Variants in ASB4 observed in about 807,000 individuals in gnomAD.
ASB4 encodes the protein ankyrin repeat and SOCS box containing 4.
A neutral mutation model predicts 38.6 loss-of-function variants in ASB4; 35 were observed. That is an observed-to-expected ratio of 0.91 (90% CI 0.69 to 1.20). The LOEUF (loss-of-function observed/expected upper bound fraction) is 1.20. Among genes scored for constraint, ASB4 ranks in the 50% most tolerant of loss-of-function variants. The pLI, the probability that ASB4 is intolerant of heterozygous loss-of-function variation, is 0.00. For missense variants in ASB4, 557 were observed against 527.2 expected, an observed-to-expected ratio of 1.06 and a Z score of -0.55; for synonymous variants, 195 against 201.3, an observed-to-expected ratio of 0.97 and a Z score of 0.26.
the ASB4 span, among the ~76,000 whole-genome samples, chr7:95,473,248 G>A: frequency 6.6e-6 from 1 of 152,224 alleles, no homozygotes; most frequent in South Asian, 2.1e-4. Flanking sequence ...AATCATGATA[G>A]CTAACATCTT....
At chr7:95,541,281 A>T (rs1450865418), downstream of ASB4, among the ~76,000 whole-genome samples, 3 of 152,172 alleles carry the variant, frequency 2.0e-5, no homozygotes, top group Non-Finnish European at 4.4e-5. Flanking sequence ...GATTGTTTTG[A>T]GGGTTAAGTT....
chr7:95,485,350 C>T (rs1368327997), upstream of ASB4, among the ~76,000 whole-genome samples: 3 of 151,956 alleles, frequency 2.0e-5, no homozygotes, highest in Non-Finnish European at 2.9e-5. Flanking sequence ...TCTTTTTTAC[C>T]TAAAAGAGTC....
intron 3 of ASB4, 25 bp from the exon 4 acceptor site, chr7:95,536,412 A>T (rs771892743): frequency 6.9e-7 from 1 of 1,456,318 alleles, no homozygotes; most frequent in East Asian, 2.3e-5. Flanking sequence ...CATCAAACAG[A>T]TGAAACTCTG....
intron 2 of ASB4, among the ~76,000 whole-genome samples, chr7:95,523,417 T>C (rs1355029826): frequency 6.6e-6 from 1 of 152,120 alleles, no homozygotes; most frequent in Non-Finnish European, 1.5e-5. Flanking sequence ...TGAACTAAAT[T>C]TGGACAATTA....
intron 2 of ASB4, among the ~76,000 whole-genome samples, chr7:95,501,661 T>C (rs1044713166): frequency 6.6e-6 from 1 of 152,252 alleles, no homozygotes; most frequent in African/African-American, 2.4e-5. Flanking sequence ...GGCCTTTTCA[T>C]GTGACTTCAT....
At chr7:95,514,659 G>A (rs1171718320) in intron 2 of ASB4, among the ~76,000 whole-genome samples, 1 of 152,120 alleles carries the variant, frequency 6.6e-6, no homozygotes, top group East Asian at 1.9e-4. Context: ...GTCACTACCT[G>A]TCTTACCCAT....
chr7:95,549,961 C>T, the ASB4 span, among the ~76,000 whole-genome samples: 1 of 152,142 alleles, frequency 6.6e-6, no homozygotes, highest in Non-Finnish European at 1.5e-5. Context: ...TCTTAGTTCC[C>T]ACAGGGTGAG....
At chr7:95,500,937 A>T (rs1790327729) in intron 2 of ASB4, among the ~76,000 whole-genome samples, 2 of 152,110 alleles carry the variant, frequency 1.3e-5, no homozygotes, top group South Asian at 4.1e-4. Context: ...GTTAGGCATA[A>T]TTTGGAGCTT....
chr7:95,489,118 T>A (rs1790135271), intron 1 of ASB4, among the ~76,000 whole-genome samples: 1 of 152,210 alleles, frequency 6.6e-6, no homozygotes, highest in Admixed American at 6.5e-5. Context: ...AAAGTCAGTG[T>A]ATAATTTTTG....
rs115527465 is a variant in ASB4 at position 95,489,279 on chromosome 7, G to A, written c.187+3121G>A. The stretch of plus-strand genomic sequence containing the variant: ...TATTTTGTGAGGAAGACAGAATAAA[G>A]CTATTGGATTACAAATAAGTCTGGA... On this transcript the variant is annotated intron_variant, in intron 1 of 4. Coordinates refer to ENST00000325885, the MANE Select transcript of ASB4 (RefSeq NM_016116.3). Among the ~76,000 whole-genome samples, 845 of 152,270 alleles carry A rather than the reference G, an allele frequency of 5.5e-3. 7 individuals carry two copies. The highest frequency in any genetic ancestry group is 0.019 in the African/African-American group (784 of 41,556).
In ASB4 at chr7:95,495,752, T is replaced by C; in HGVS notation, c.188-6T>C. The C allele has an allele frequency of 6.4e-7, 1 of 1,568,026 alleles. No homozygotes were observed. The highest frequency in any genetic ancestry group is 8.6e-7 in the Non-Finnish European group (1 of 1,160,526). The stretch of plus-strand genomic sequence containing the variant: ...CTTTCCTTTTCCTTTTTTTTTTTTT[T>C]TTCAGGTTACTGGTTGCCTAGCTAT... On this transcript the variant is annotated splice_region_variant and splice_polypyrimidine_tract_variant and intron_variant, in intron 1 of 4. Transcript: ENST00000325885.
chr7:95,530,663 A>G (rs1386129611), intron 3 of ASB4, among the ~76,000 whole-genome samples: 4 of 152,078 alleles, frequency 2.6e-5, no homozygotes, highest in Non-Finnish European at 5.9e-5. Context: ...AGAGGTATAT[A>G]TGTGGGTTGT....
At chr7:95,501,998 C>G (rs6973299) in intron 2 of ASB4, among the ~76,000 whole-genome samples, 43,405 of 151,736 alleles carry the variant, frequency 0.29, 6,435 homozygotes, top group East Asian at 0.36. Context: ...AGGGCAAACA[C>G]CATAAAATTA....
chr7:95,515,568 AC>A (rs1457394714), intron 2 of ASB4, among the ~76,000 whole-genome samples: 1 of 151,758 alleles, frequency 6.6e-6, no homozygotes, highest in Non-Finnish European at 1.5e-5. Flanking sequence ...GGCATGTGCC[AC>A]CAAGCCCAGC....
upstream of ASB4, chr7:95,473,868 A>G (rs552344631): frequency 1.3e-5 from 2 of 152,164 alleles, no homozygotes; most frequent in Non-Finnish European, 2.9e-5. Context: ...AGCAGGGAAG[A>G]GGATTTACTC....
the ASB4 span, among the ~76,000 whole-genome samples, chr7:95,548,958 T>C: frequency 6.6e-6 from 1 of 152,228 alleles, no homozygotes; most frequent in Non-Finnish European, 1.5e-5. Context: ...GCCTAGGATC[T>C]CACAGGTAAT....
At chr7:95,550,545 T>C in the ASB4 span, among the ~76,000 whole-genome samples, 6 of 152,182 alleles carry the variant, frequency 3.9e-5, no homozygotes, top group African/African-American at 1.4e-4. Flanking sequence ...TCTTAATCTC[T>C]TGATCAGTCG....
At chr7:95,547,555 T>C in the ASB4 span, among the ~76,000 whole-genome samples, 3 of 152,206 alleles carry the variant, frequency 2.0e-5, no homozygotes, top group Non-Finnish European at 2.9e-5. Context: ...GCGATGAAGA[T>C]TTGGGTTATT....
At chr7:95,494,436 A>G (rs1181472814) in intron 1 of ASB4, among the ~76,000 whole-genome samples, 1 of 152,220 alleles carries the variant, frequency 6.6e-6, no homozygotes, top group Non-Finnish European at 1.5e-5. Flanking sequence ...TTACAGCTCA[A>G]ATCCCTAGGT....
Sources: allele counts gnomAD v4.1 joint callset (sites outside exome capture counted in the v4.1 genomes callset), GRCh38; gene constraint gnomAD v4.1.1; transcripts MANE v1.5; gene names NCBI Gene and HGNC (gene_info 2026-07-23, HGNC 2026-07-21).